RGS4: variants seen among roughly 807,000 people sequenced by gnomAD.
RGS4 encodes regulator of G protein signaling 4.
Under a neutral mutation model 21.6 loss-of-function variants are expected in RGS4, and 15 were observed. That is an observed-to-expected ratio of 0.69 (90% confidence interval 0.46 to 1.07). The LOEUF is 1.07. Ranked by LOEUF, RGS4 falls within the 50% of genes least tolerant of loss-of-function variation. The probability of loss-of-function intolerance (pLI) is 0.00; values close to 1 mark genes in which losing one functional copy is unlikely to be tolerated. For synonymous variants in RGS4, 94 were observed against 85.5 expected, an observed-to-expected ratio of 1.10 and a Z score of -0.55; for missense variants, 237 against 239.0, an observed-to-expected ratio of 0.99 and a Z score of 0.06.
At chr1:163,074,230 G>A (rs1655421216) in intron 4 of RGS4, 91 bp from the exon 5 acceptor site, 6 of 1,527,702 alleles carry the variant, frequency 3.9e-6, no homozygotes, top group Non-Finnish European at 5.4e-6. Context: ...TACAGAGGGT[G>A]CACTGCCACT....
At chr1:163,072,759 T>C in intron 2 of RGS4, 46 bp from the exon 3 acceptor site, 1 of 1,540,458 alleles carries the variant, frequency 6.5e-7, no homozygotes, top group Non-Finnish European at 8.9e-7. Flanking sequence ...CCCCAATTTT[T>C]TTACCATGGC....
Position 163,069,537 on chromosome 1 carries a change from G to A in RGS4, c.44+9G>A. 1 of 1,608,876 alleles carries A rather than the reference G, an allele frequency of 6.2e-7. No individual in the cohort carries two copies. The highest frequency in any genetic ancestry group is 8.5e-7 in the Non-Finnish European group (1 of 1,176,152). On this transcript the variant is annotated intron_variant, in intron 1 of 4. Coordinates refer to ENST00000367909, the MANE Select transcript of RGS4 (RefSeq NM_005613.6). ...GCTTCTTGCTTGAGGAGGTAAGATTGCTTTCAGCCATTAACCATATTAAAC... is the reference window on the plus strand; with the variant it reads ...GCTTCTTGCTTGAGGAGGTAAGATTACTTTCAGCCATTAACCATATTAAAC...
chr1:163,072,525 T>G, intron 2 of RGS4, 26 bp downstream of exon 2: 1 of 1,463,004 alleles, frequency 6.8e-7, no homozygotes, highest in Non-Finnish European at 9.6e-7. Flanking sequence ...TTGGTGAAGA[T>G]GTACTTAGTA....
intron 1 of RGS4, 97 bp downstream of exon 1, chr1:163,069,625 G>GACT: frequency 2.0e-6 from 2 of 1,012,670 alleles, no homozygotes; most frequent in Non-Finnish European, 2.9e-6. Flanking sequence ...TGTGCAATTA[G>GACT]AAACAGTGTG....
Position 163,076,787 on chromosome 1 carries a change from G to A in RGS4, c.*2227G>A, listed in dbSNP as rs937621755. 6 of 151,952 alleles carry A rather than the reference G, an allele frequency of 3.9e-5. No homozygotes were observed. The highest frequency in any genetic ancestry group is 6.6e-5 in the Admixed American group (1 of 15,220). 9.4% of individuals were successfully genotyped at this position (151,952 alleles called of 1,614,324 possible). A position where few individuals can be genotyped will look rare whatever the true frequency, so the allele number is the denominator to read the frequency against. On this transcript the variant is annotated 3_prime_UTR_variant, in exon 5 of 5. Coordinates refer to ENST00000367909, the MANE Select transcript of RGS4 (RefSeq NM_005613.6). ...ATCTTAATAATAAGGGTAAATAAACGCTCCATATGAAACTATTTGCTTGGA... is the reference window on the plus strand; with the variant it reads ...ATCTTAATAATAAGGGTAAATAAACACTCCATATGAAACTATTTGCTTGGA...
chr1:163,068,964 G>A (rs181932602), upstream of RGS4: 1 of 1,608,118 alleles, frequency 6.2e-7, no homozygotes, highest in Admixed American at 1.7e-5. Flanking sequence ...TAATCCAAAA[G>A]AGGAAAGGCA....
upstream of RGS4, chr1:163,069,058 T>TA: frequency 1.9e-6 from 3 of 1,544,802 alleles, no homozygotes; most frequent in South Asian, 1.2e-5. Flanking sequence ...ATTTTTTTTT[T>TA]ACAGGCATAT....
upstream of RGS4, chr1:163,069,278 G>C (rs1655221693): frequency 6.4e-7 from 1 of 1,551,136 alleles, no homozygotes. Flanking sequence ...GGGAGACAGA[G>C]GAGCTGGTAC....
rs1655476852 is a variant in RGS4 at position 163,075,794 on chromosome 1, A to G, written c.*1234A>G. The G allele has an allele frequency of 6.6e-6, 1 of 152,320 alleles. No individual in the cohort carries two copies. The highest frequency in any genetic ancestry group is 2.1e-4 in the South Asian group (1 of 4,830). The allele number at this position is 152,320 out of a possible 1,614,324, so 9.4% of individuals were successfully genotyped here. On this transcript the variant is annotated 3_prime_UTR_variant, in exon 5 of 5. Transcript: ENST00000367909. ...TATTTATAAACCAGCAGCAGGGGAA[A>G]GATTATATTTTATAAGAGGGAACAA...
intron 1 of RGS4, chr1:163,070,479 T>G (rs765612687): frequency 6.6e-6 from 1 of 152,192 alleles, no homozygotes; most frequent in South Asian, 2.1e-4. Flanking sequence ...ACATAATTTT[T>G]TATGTACTAT....
At position 163,074,393 on chromosome 1, in the gene RGS4, G is replaced by A. The variant is rs199666067; in HGVS notation, c.451G>A (p.Glu151Lys). The A allele has an allele frequency of 6.4e-5, 104 of 1,613,778 alleles. No homozygotes were observed. Among genetic ancestry groups the A allele is most frequent in the Non-Finnish European group, 9.3e-6 (11 of 1,179,858 alleles). The stretch of plus-strand genomic sequence containing the variant: ...AGAGCCTACAATAACCTGCTTTGAT[G>A]AGGCCCAGAAGAAGATTTTCAACCT... ...MLEPTITCFD[E>K]AQKKIFNLME... The change falls in exon 5 of 5, where the codon GAG becomes AAG. Residue 151 changes from glutamate to lysine, a missense_variant. By Grantham distance (56) the Glu-to-Lys change is moderately conservative. Coordinates refer to ENST00000367909, the MANE Select transcript of RGS4 (RefSeq NM_005613.6).
intron 1 of RGS4, chr1:163,070,482 T>C (rs1655264157): frequency 6.6e-6 from 1 of 152,212 alleles, no homozygotes; most frequent in Non-Finnish European, 1.5e-5. Context: ...TAATTTTTTA[T>C]GTACTATTAA....
Position 163,072,818 on chromosome 1 carries a change from G to A in RGS4, c.163G>A (p.Glu55Lys). The A allele has an allele frequency of 6.2e-7, 1 of 1,612,974 alleles. No homozygotes were observed. The highest frequency in any genetic ancestry group is 8.5e-7 in the Non-Finnish European group (1 of 1,179,338). Residue 55 changes from glutamate to lysine, a missense_variant, in exon 3 of 5, where the codon GAA becomes AAA. By Grantham distance (56) the Glu-to-Lys change is moderately conservative. Coordinates refer to ENST00000367909, the MANE Select transcript of RGS4 (RefSeq NM_005613.6). The stretch of plus-strand genomic sequence containing the variant: ...TATTTTTTCTAGAGTGAGCCAAGAG[G>A]AAGTCAAGAAATGGGCTGAATCACT... ...VVICQRVSQE[E>K]VKKWAESLEN...
At chr1:163,070,974 C>T (rs1368739243) in intron 1 of RGS4, among the ~76,000 whole-genome samples, 1 of 152,152 alleles carries the variant, frequency 6.6e-6, no homozygotes. Context: ...ACTCCAGTAA[C>T]TTCTGAAGTC....
chr1:163,075,503 C>T lies in RGS4; in HGVS notation c.*943C>T, dbSNP rs976352806. The stretch of plus-strand genomic sequence containing the variant: ...GTGCTCAGGGCATGCTTATTAGCAG[C>T]TGGGTTGGTATGGAGTTGGCAGACA... On this transcript the variant is annotated 3_prime_UTR_variant, in exon 5 of 5. Coordinates refer to ENST00000367909, the MANE Select transcript of RGS4 (RefSeq NM_005613.6). The T allele has an allele frequency of 1.3e-5, 2 of 152,208 alleles. No homozygotes were observed. Among genetic ancestry groups the T allele is most frequent in the East Asian group, 3.9e-4 (2 of 5,172 alleles). The allele number at this position is 152,208 out of a possible 1,614,324, so 9.4% of individuals were successfully genotyped here.
Position 163,069,527 on chromosome 1 carries a change from A to G in RGS4, c.43A>G (p.Ser15Gly), listed in dbSNP as rs1011708488. 4 of 1,612,302 alleles carry G rather than the reference A, an allele frequency of 2.5e-6. No individual in the cohort carries two copies. Among genetic ancestry groups the G allele is most frequent in the Non-Finnish European group, 3.4e-6 (4 of 1,178,798 alleles). ...AGGTCTGCCGGCTTCTTGCTTGAGG[A>G]GGTAAGATTGCTTTCAGCCATTAAC... ...LAGLPASCLRSAKDMKHRLGF... is the reference protein window; with the variant it reads ...LAGLPASCLRGAKDMKHRLGF... Residue 15 changes from serine to glycine, a missense_variant and splice_region_variant, in exon 1 of 5, where the codon AGT (serine) becomes GGT (glycine). Coordinates refer to ENST00000367909, the MANE Select transcript of RGS4 (RefSeq NM_005613.6).
Sources: gnomAD v4.1 joint callset for allele counts (sites outside exome capture counted in the v4.1 genomes callset) on GRCh38, gnomAD v4.1.1 for gene constraint, MANE v1.5 for transcripts, NCBI Gene and HGNC (gene_info 2026-07-23, HGNC 2026-07-21) for gene names.